The following ASTN2 variants were observed in gnomAD, a reference collection of about 807,000 sequenced individuals.
The protein encoded by ASTN2 is astrotactin 2, also known as astrotactin-2.
Under a neutral mutation model 139.8 loss-of-function variants are expected in ASTN2, and 54 were observed. The ratio of observed to expected loss-of-function variants is 0.39; its 90% CI spans 0.31 to 0.48. The LOEUF is 0.48. Ranked by LOEUF, ASTN2 falls within the 20% of genes least tolerant of loss-of-function variation. ASTN2 has a pLI of 0.95. For missense variants in ASTN2, 1,565 were observed against 1,725.1 expected, an observed-to-expected ratio of 0.91 and a Z score of 1.64; for synonymous variants, 756 against 719.5, an observed-to-expected ratio of 1.05 and a Z score of -0.81.
chr9:116,761,274 G>C (rs548371461), intron 13 of ASTN2, among the ~76,000 whole-genome samples: 2 of 152,168 alleles, frequency 1.3e-5, no homozygotes, highest in African/African-American at 4.8e-5. Context: ...GACATCCCTT[G>C]TCCTGTTGTC....
At chr9:117,139,082 G>C (rs984035814) in intron 4 of ASTN2, among the ~76,000 whole-genome samples, 1 of 152,192 alleles carries the variant, frequency 6.6e-6, no homozygotes. Flanking sequence ...GGAGTCAAGA[G>C]TGTTTATGGA....
intron 6 of ASTN2, among the ~76,000 whole-genome samples, chr9:117,013,327 C>A (rs10817974): frequency 0.53 from 80,722 of 151,564 alleles, 22,209 homozygotes; most frequent in East Asian, 0.72. Context: ...TTTTGGCTTT[C>A]AATTAAAAGT....
At chr9:117,070,020 A>G (rs1828069676) in intron 5 of ASTN2, among the ~76,000 whole-genome samples, 1 of 150,076 alleles carries the variant, frequency 6.7e-6, no homozygotes, top group South Asian at 2.2e-4. Flanking sequence ...CTTAAAGTTA[A>G]TATTGTTATG....
At chr9:116,533,856 C>T (rs1436593195) in intron 19 of ASTN2, among the ~76,000 whole-genome samples, 5 of 152,166 alleles carry the variant, frequency 3.3e-5, no homozygotes, top group Non-Finnish European at 7.3e-5. Context: ...GCTTTGGTAT[C>T]AGGATGATGC....
intron 10 of ASTN2, among the ~76,000 whole-genome samples, chr9:116,972,173 T>C (rs1836226698): frequency 6.6e-6 from 1 of 151,316 alleles, no homozygotes; most frequent in South Asian, 2.1e-4. Context: ...TCCTTTCTTC[T>C]AACATCATAA....
chr9:116,711,217 A>G (rs923484847), intron 16 of ASTN2, among the ~76,000 whole-genome samples: 3 of 152,198 alleles, frequency 2.0e-5, no homozygotes, highest in Non-Finnish European at 4.4e-5. Context: ...ATTCTCCTCA[A>G]TGAAATGGGC....
chr9:116,881,579 T>C (rs1454351186), intron 10 of ASTN2, among the ~76,000 whole-genome samples: 2 of 152,258 alleles, frequency 1.3e-5, no homozygotes, highest in African/African-American at 2.4e-5. Context: ...CATGCATTGC[T>C]GGGCATAAAG....
chr9:117,223,479 A>G (rs1416037864), intron 2 of ASTN2, among the ~76,000 whole-genome samples: 1 of 152,200 alleles, frequency 6.6e-6, no homozygotes, highest in Non-Finnish European at 1.5e-5. Context: ...TGGGTCAGCT[A>G]ACAGGATAGG....
chr9:116,896,970 G>T (rs1028272838), intron 10 of ASTN2, among the ~76,000 whole-genome samples: 1 of 152,162 alleles, frequency 6.6e-6, no homozygotes, highest in African/African-American at 2.4e-5. Flanking sequence ...ACAAGAACTC[G>T]ATCTCGTTAT....
intron 2 of ASTN2, among the ~76,000 whole-genome samples, chr9:117,284,161 C>G (rs147073904): frequency 6.6e-6 from 1 of 152,086 alleles, no homozygotes; most frequent in Non-Finnish European, 1.5e-5. Flanking sequence ...CAGAGTGCAG[C>G]GGCATGATCT....
At chr9:116,678,530 G>C (rs753705706) in intron 16 of ASTN2, among the ~76,000 whole-genome samples, 1 of 152,138 alleles carries the variant, frequency 6.6e-6, no homozygotes, top group Non-Finnish European at 1.5e-5. Context: ...TTGTTAAAAG[G>C]AATGTAATTT....
Position 116,895,840 on chromosome 9 carries a change from ATG to A in ASTN2, c.1890-32109_1890-32108del, listed in dbSNP as rs541559577. ...GGCAGTGGCTCAGTTTCCAGTTAAA[ATG>A]TGTGTGTAAGGATTATTATTTTAGT... is the stretch of plus-strand genomic sequence containing the variant. On this transcript the variant is annotated intron_variant, in intron 10 of 22. Coordinates refer to ENST00000313400, the MANE Select transcript of ASTN2 (RefSeq NM_001365068.1). Among the ~76,000 whole-genome samples the A allele has an allele frequency of 3.7e-4, 56 of 152,308 alleles. No individual in the cohort carries two copies. The East Asian group carries it at 0.011, about 29-fold the overall frequency.
intron 19 of ASTN2, among the ~76,000 whole-genome samples, chr9:116,593,506 G>A (rs1318425675): frequency 6.6e-6 from 1 of 152,130 alleles, no homozygotes; most frequent in African/African-American, 2.4e-5. Flanking sequence ...TATATCCTCT[G>A]TTCTGCTGCC....
At chr9:117,095,228 G>A (rs771750381) in intron 5 of ASTN2, among the ~76,000 whole-genome samples, 12 of 152,186 alleles carry the variant, frequency 7.9e-5, no homozygotes, top group Non-Finnish European at 1.6e-4. Context: ...CAAGAATCCA[G>A]TCTCAAACTG....
chr9:116,904,950 G>A lies in ASTN2; in HGVS notation c.1890-41217C>T, dbSNP rs532194944. ...CAGGCCAAATGCCCTTCCACCCTCC[G>A]CACCCCCAACTCTCCTCCAAGTCCT... On this transcript the variant is annotated intron_variant, in intron 10 of 22. Coordinates refer to ENST00000313400, the MANE Select transcript of ASTN2 (RefSeq NM_001365068.1). 6.6e-5 allele frequency among the ~76,000 whole-genome samples: 10 copies of A among 152,086 alleles called. No individual in the cohort carries two copies. The South Asian group carries it at 1.2e-3, about 19-fold the overall frequency.
At chr9:116,985,124 C>G (rs148804609) in intron 7 of ASTN2, among the ~76,000 whole-genome samples, 98 of 152,282 alleles carry the variant, frequency 6.4e-4, no homozygotes, top group African/African-American at 2.1e-3. Flanking sequence ...TCTATCTGTA[C>G]AGTGAGGAGG....
At chr9:116,560,948 G>C (rs1392366158) in intron 19 of ASTN2, among the ~76,000 whole-genome samples, 1 of 152,162 alleles carries the variant, frequency 6.6e-6, no homozygotes, top group Non-Finnish European at 1.5e-5. Context: ...GTTTCCACAA[G>C]AACAAAGAAA....
chr9:116,990,342 C>T (rs950785351), intron 7 of ASTN2, among the ~76,000 whole-genome samples: 2 of 107,810 alleles, frequency 1.9e-5, no homozygotes, highest in African/African-American at 5.1e-5. Context: ...ATCTCAGCTC[C>T]TGCAACCTCT....
intron 20 of ASTN2, among the ~76,000 whole-genome samples, chr9:116,463,908 G>GTTTTTTTTTTTTTT (rs71502069): frequency 8.6e-6 from 1 of 115,928 alleles, no homozygotes; most frequent in Non-Finnish European, 1.8e-5. Flanking sequence ...AGAGTTTTGT[G>GTTTTTTTTTTTTTT]TTTTTTTTTT....
Sources: gnomAD v4.1 joint callset for allele counts (sites outside exome capture counted in the v4.1 genomes callset) on GRCh38, gnomAD v4.1.1 for gene constraint, MANE v1.5 for transcripts, NCBI Gene and HGNC (gene_info 2026-07-23, HGNC 2026-07-21) for gene names.